The following PTPN3 variants were observed in gnomAD, a reference collection of about 807,000 sequenced individuals.
PTPN3 encodes the protein protein tyrosine phosphatase non-receptor type 3, also known as tyrosine-protein phosphatase non-receptor type 3.
In PTPN3, 96 loss-of-function variants were observed where a neutral mutation model predicts 132.7. The ratio of observed to expected loss-of-function variants is 0.72; its 90% CI spans 0.61 to 0.86. PTPN3 has a LOEUF of 0.86. Ranked by LOEUF, PTPN3 falls within the 40% of genes least tolerant of loss-of-function variation. PTPN3 has a pLI of 0.00. For missense variants in PTPN3, 1,125 were observed against 1,159.6 expected (o/e 0.97, Z 0.43); for synonymous variants, 398 against 429.0 (o/e 0.93, Z 0.89).
chr9:109,509,170 C>A, the PTPN3 span, among the ~76,000 whole-genome samples: 6 of 152,176 alleles, frequency 3.9e-5, no homozygotes, highest in African/African-American at 7.2e-5. Flanking sequence ...TCTGTAAAAT[C>A]CCTCATTGAA....
At chr9:109,404,400 G>T in intron 19 of PTPN3, 48 bp downstream of exon 19, 2 of 1,295,838 alleles carry the variant, frequency 1.5e-6, no homozygotes, top group Non-Finnish European at 2.0e-6. Flanking sequence ...GGCAGGGGCA[G>T]CCCAATAGGC....
intron 9 of PTPN3, 49 bp from the exon 10 acceptor site, chr9:109,433,210 T>C (rs906026606): frequency 1.2e-6 from 2 of 1,606,636 alleles, no homozygotes; most frequent in Non-Finnish European, 1.7e-6. Flanking sequence ...GTCATGCTTA[T>C]GCCCTCTGGT....
At chr9:109,411,780 CA>C (rs1442184151) in intron 14 of PTPN3, among the ~76,000 whole-genome samples, 1 of 152,114 alleles carries the variant, frequency 6.6e-6, no homozygotes, top group Non-Finnish European at 1.5e-5. Flanking sequence ...GTATCATAGT[CA>C]CACAGAATGA....
At chr9:109,491,590 G>A (rs58866948) in intron 1 of PTPN3, among the ~76,000 whole-genome samples, 2,107 of 152,238 alleles carry the variant, frequency 0.014, 40 homozygotes, top group African/African-American at 0.048. Flanking sequence ...CAGTGTAGCC[G>A]GGAGACAGGT....
rs1212741211 is a variant in PTPN3, at chr9:109,483,235, T to A, written c.-18+14984A>T. On this transcript the variant is annotated intron_variant, in intron 1 of 25. Coordinates refer to ENST00000374541, the MANE Select transcript of PTPN3 (RefSeq NM_002829.4). ...CAATATGCGAGTACCCTTTAGACCA[T>A]GTTCCTGGCAATTTCACCAAAGGCC... is the stretch of plus-strand genomic sequence containing the variant. 2.0e-5 allele frequency among the ~76,000 whole-genome samples: 3 copies of A among 152,346 alleles called. No homozygotes were observed. The East Asian group carries it at 5.8e-4, about 29-fold the overall frequency.
the PTPN3 span, among the ~76,000 whole-genome samples, chr9:109,526,174 G>C: frequency 6.6e-6 from 1 of 152,066 alleles, no homozygotes; most frequent in Non-Finnish European, 1.5e-5. Flanking sequence ...TCAAAGACCA[G>C]TACACTGACA....
the PTPN3 span, among the ~76,000 whole-genome samples, chr9:109,509,899 G>T: frequency 2.6e-5 from 4 of 152,054 alleles, no homozygotes; most frequent in Non-Finnish European, 4.4e-5. Context: ...AGAGGTGACC[G>T]TGGGAACATG....
chr9:109,432,597 G>A (rs1030783497), intron 10 of PTPN3, among the ~76,000 whole-genome samples: 4 of 152,148 alleles, frequency 2.6e-5, no homozygotes, highest in African/African-American at 9.7e-5. Context: ...CTGGCCTACA[G>A]GTCTCTTCCC....
the PTPN3 span, among the ~76,000 whole-genome samples, chr9:109,521,744 C>A: frequency 6.6e-6 from 1 of 152,200 alleles, no homozygotes; most frequent in Non-Finnish European, 1.5e-5. Context: ...TCCACAAAAG[C>A]AAAGACGAGG....
intron 10 of PTPN3, among the ~76,000 whole-genome samples, chr9:109,430,946 C>T (rs1015416144): frequency 1.8e-4 from 28 of 152,358 alleles, no homozygotes; most frequent in African/African-American, 6.0e-4. Context: ...CAAAGCTCAG[C>T]TGGTGTTCAG....
intron 1 of PTPN3, among the ~76,000 whole-genome samples, chr9:109,474,346 TACTTTGGCA>T (rs1318775132): frequency 6.6e-6 from 1 of 152,202 alleles, no homozygotes; most frequent in Non-Finnish European, 1.5e-5. Flanking sequence ...CCTTGGTTGC[TACTTTGGCA>T]AAGGAGTTCC....
chr9:109,408,308 TGTA>T lies in PTPN3; in HGVS notation c.1635+10_1635+12del, dbSNP rs746020276. 2 of 1,537,326 alleles carry T rather than the reference TGTA, an allele frequency of 1.3e-6. No individual in the cohort carries two copies. Among genetic ancestry groups the T allele is most frequent in the Non-Finnish European group, 1.8e-6 (2 of 1,131,372 alleles). ...AACAAACACGAGGAATAACATGGAA[TGTA>T]TTTACTTACAGGTGACTCTGGGTTT... On this transcript the variant is annotated intron_variant, in intron 17 of 25. Transcript: ENST00000374541.
chr9:109,515,458 A>C, the PTPN3 span, among the ~76,000 whole-genome samples: 15 of 152,314 alleles, frequency 9.8e-5, no homozygotes, highest in Non-Finnish European at 1.6e-4. Flanking sequence ...CACTATCTTA[A>C]TATAGCCATT....
chr9:109,393,771 G>A (rs972097660), intron 19 of PTPN3, among the ~76,000 whole-genome samples: 3 of 152,106 alleles, frequency 2.0e-5, no homozygotes, highest in African/African-American at 4.8e-5. Context: ...AATAGGGAGG[G>A]TAAAAAGGAT....
intron 14 of PTPN3, chr9:109,417,697 G>C: frequency 7.1e-6 from 7 of 985,330 alleles, no homozygotes; most frequent in Non-Finnish European, 7.2e-6. Context: ...AACAGAGGTG[G>C]TGGGGGCTGC....
chr9:109,394,352 A>C (rs541285092), intron 19 of PTPN3, among the ~76,000 whole-genome samples: 1 of 152,384 alleles, frequency 6.6e-6, no homozygotes, highest in East Asian at 1.9e-4. Context: ...TAAGACTTTA[A>C]ATGTATCTCA....
chr9:109,512,175 C>T, the PTPN3 span, among the ~76,000 whole-genome samples: 1 of 152,296 alleles, frequency 6.6e-6, no homozygotes, highest in East Asian at 1.9e-4. Flanking sequence ...CAATCTTCCA[C>T]CTGGCCGTGC....
chr9:109,390,918 T>C (rs1006767255), intron 21 of PTPN3, among the ~76,000 whole-genome samples: 1 of 152,182 alleles, frequency 6.6e-6, no homozygotes, highest in Non-Finnish European at 1.5e-5. Flanking sequence ...CCATCTTCTG[T>C]TAGCTTTGTG....
chr9:109,414,936 A>T (rs903713889), intron 14 of PTPN3, among the ~76,000 whole-genome samples: 3 of 152,168 alleles, frequency 2.0e-5, no homozygotes, highest in African/African-American at 4.8e-5. Flanking sequence ...ATATGGACAC[A>T]TGATGTGGAA....
Sources: gnomAD v4.1 joint callset for allele counts (sites outside exome capture counted in the v4.1 genomes callset) on GRCh38, gnomAD v4.1.1 for gene constraint, MANE v1.5 for transcripts, NCBI Gene and HGNC (gene_info 2026-07-23, HGNC 2026-07-21) for gene names.